The following ESRRB variants were observed in gnomAD, a reference collection of about 807,000 sequenced individuals.
ESRRB encodes steroid hormone receptor ERR2.
A neutral mutation model predicts 46.0 loss-of-function variants in ESRRB; 16 were observed. The observed-to-expected ratio is 0.35, with a 90% confidence interval of 0.24 to 0.53. ESRRB has a LOEUF of 0.53. ESRRB is among the 20% of genes least tolerant of loss of function. The pLI, the probability that ESRRB is intolerant of heterozygous loss-of-function variation, is 0.93. For missense variants in ESRRB, 488 were observed against 607.4 expected (o/e 0.80, Z 2.07); for synonymous variants, 246 against 259.6 (o/e 0.95, Z 0.50).
chr14:76,477,576 C>T (rs1435353774), intron 3 of ESRRB, among the ~76,000 whole-genome samples: 2 of 152,118 alleles, frequency 1.3e-5, no homozygotes, highest in East Asian at 1.9e-4. Context: ...TGAAATAACC[C>T]GTAAGGGACA....
chr14:76,484,325 G>A (rs1889920902), intron 5 of ESRRB, among the ~76,000 whole-genome samples: 1 of 151,900 alleles, frequency 6.6e-6, no homozygotes, highest in African/African-American at 2.4e-5. Flanking sequence ...TTCTGACCAG[G>A]GATCTGGGCT....
intron 1 of ESRRB, among the ~76,000 whole-genome samples, chr14:76,334,215 G>A (rs1036545397): frequency 1.3e-5 from 2 of 152,136 alleles, no homozygotes; most frequent in African/African-American, 4.8e-5. Flanking sequence ...GGTGGGTGGC[G>A]AGGGGGACGG....
intron 1 of ESRRB, among the ~76,000 whole-genome samples, chr14:76,339,545 C>A (rs1302464059): frequency 6.6e-6 from 1 of 152,304 alleles, no homozygotes; most frequent in Non-Finnish European, 1.5e-5. Context: ...TGCTTATGGA[C>A]GTGTACTGTA....
intron 5 of ESRRB, among the ~76,000 whole-genome samples, chr14:76,484,021 T>A (rs2140034924): frequency 6.6e-6 from 1 of 152,198 alleles, no homozygotes. Context: ...ACCCAGCTAA[T>A]TTTTTTGTAT....
At chr14:76,431,510 G>T (rs1480228091) in intron 1 of ESRRB, among the ~76,000 whole-genome samples, 1 of 152,204 alleles carries the variant, frequency 6.6e-6, no homozygotes, top group African/African-American at 2.4e-5. Context: ...CCCCCAGCAA[G>T]CTCGGTGTCC....
chr14:76,471,271 G>A (rs1331318883), intron 3 of ESRRB, among the ~76,000 whole-genome samples: 11 of 152,192 alleles, frequency 7.2e-5, no homozygotes, highest in Admixed American at 5.2e-4. Flanking sequence ...CTGGACCACT[G>A]TGGCAGTTTC....
At chr14:76,330,258 G>A (rs1883996850) in intron 1 of ESRRB, among the ~76,000 whole-genome samples, 1 of 152,172 alleles carries the variant, frequency 6.6e-6, no homozygotes, top group Non-Finnish European at 1.5e-5. Context: ...CAGTGATGTG[G>A]GATGGGGTCC....
rs201625758 is a variant in ESRRB, at chr14:76,468,624, ACCTCATCT to A, written c.577+5964_577+5971del. 6.5e-3 allele frequency among the ~76,000 whole-genome samples: 982 copies of A among 151,672 alleles called. 12 individuals carry two copies. The highest frequency in any genetic ancestry group is 0.023 in the African/African-American group (942 of 41,342). On this transcript the variant is annotated intron_variant, in intron 3 of 6. Coordinates refer to ENST00000644823, the MANE Select transcript of ESRRB (RefSeq NM_001379180.1). The stretch of plus-strand genomic sequence containing the variant: ...ACGGTGGTCACGTAGGCCTGGTTAA[ACCTCATCT>A]TCACCACTTATCGACTCCTTGGGCC...
chr14:76,492,670 T>C (rs1890275430), intron 6 of ESRRB, among the ~76,000 whole-genome samples: 1 of 152,226 alleles, frequency 6.6e-6, no homozygotes, highest in African/African-American at 2.4e-5. Flanking sequence ...CCTGAACCTA[T>C]ACCCACTCCT....
chr14:76,426,885 A>C (rs1292433949), intron 1 of ESRRB, among the ~76,000 whole-genome samples: 1 of 152,190 alleles, frequency 6.6e-6, no homozygotes, highest in African/African-American at 2.4e-5. Context: ...CAAACAAACA[A>C]AAAAATTGTT....
intron 1 of ESRRB, among the ~76,000 whole-genome samples, chr14:76,321,590 C>T (rs1445562088): frequency 6.6e-6 from 1 of 152,148 alleles, no homozygotes; most frequent in African/African-American, 2.4e-5. Flanking sequence ...TTTATTGTTT[C>T]CTTACCTTGT....
intron 1 of ESRRB, among the ~76,000 whole-genome samples, chr14:76,312,868 T>A (rs1883755204): frequency 6.6e-6 from 1 of 152,018 alleles, no homozygotes; most frequent in Admixed American, 6.6e-5. Flanking sequence ...TGAGAAAAAA[T>A]GTGGCTTTTA....
chr14:76,463,668 C>T (rs1269659363), intron 3 of ESRRB, among the ~76,000 whole-genome samples: 6 of 151,784 alleles, frequency 4.0e-5, no homozygotes, highest in East Asian at 1.9e-4. Context: ...AGGATGGTCT[C>T]GATTTCCTGA....
In ESRRB at chr14:76,499,999, C is replaced by G; in HGVS notation, c.*1541C>G. The G allele has an allele frequency of 6.3e-7, 1 of 1,576,050 alleles. No homozygotes were observed. Among genetic ancestry groups the G allele is most frequent in the Non-Finnish European group, 8.6e-7 (1 of 1,159,802 alleles). On this transcript the variant is annotated 3_prime_UTR_variant, in exon 7 of 7. Transcript: ENST00000644823. ...CCGGGGATCCCCAATCCACGCCCTTCTAGTCCAACCCCCCTCAATGAGAGA... is the reference window on the plus strand; with the variant it reads ...CCGGGGATCCCCAATCCACGCCCTTGTAGTCCAACCCCCCTCAATGAGAGA...
At chr14:76,443,901 C>A (rs1566901903) in intron 2 of ESRRB, among the ~76,000 whole-genome samples, 1 of 152,198 alleles carries the variant, frequency 6.6e-6, no homozygotes, top group African/African-American at 2.4e-5. Flanking sequence ...GCAGTTGGAA[C>A]TGAACTGCTG....
At chr14:76,324,361 C>T (rs1883903026) in intron 1 of ESRRB, among the ~76,000 whole-genome samples, 1 of 152,136 alleles carries the variant, frequency 6.6e-6, no homozygotes. Context: ...TCCTGTGGGT[C>T]ATGGGTGATT....
chr14:76,375,886 A>G (rs1391187153), upstream of ESRRB, among the ~76,000 whole-genome samples: 1 of 101,662 alleles, frequency 9.8e-6, no homozygotes, highest in Non-Finnish European at 1.9e-5. Flanking sequence ...GCGGTTGGAC[A>G]TTCCCCCCCA....
At chr14:76,405,067 G>A (rs1181071078) in intron 1 of ESRRB, among the ~76,000 whole-genome samples, 10 of 152,134 alleles carry the variant, frequency 6.6e-5, no homozygotes, top group Admixed American at 6.6e-4. Context: ...AGCTGTTTGG[G>A]AAGGATGGGC....
chr14:76,328,269 AG>A (rs1209753585), intron 1 of ESRRB, among the ~76,000 whole-genome samples: 1 of 152,184 alleles, frequency 6.6e-6, no homozygotes, highest in Non-Finnish European at 1.5e-5. Flanking sequence ...TGTGCATTTT[AG>A]CAAAAGCTCT....
Sources: gnomAD v4.1 joint callset for allele counts (sites outside exome capture counted in the v4.1 genomes callset) on GRCh38, gnomAD v4.1.1 for gene constraint, MANE v1.5 for transcripts, NCBI Gene and HGNC (gene_info 2026-07-23, HGNC 2026-07-21) for gene names.